The following ATXN10 variants were observed in gnomAD, a reference collection of about 807,000 sequenced individuals.
ATXN10 encodes the protein ataxin-10.
Under a neutral mutation model 52.9 loss-of-function variants are expected in ATXN10, and 28 were observed. The ratio of observed to expected loss-of-function variants is 0.53; its 90% CI spans 0.39 to 0.73. The LOEUF is 0.73. Ranked by LOEUF, ATXN10 falls within the 30% of genes least tolerant of loss-of-function variation. The pLI is 0.00. For missense variants in ATXN10, 565 were observed against 577.0 expected, an observed-to-expected ratio of 0.98 and a Z score of 0.21; for synonymous variants, 226 against 221.5, an observed-to-expected ratio of 1.02 and a Z score of -0.18.
chr22:45,796,680 G>T (rs184348191), intron 9 of ATXN10, among the ~76,000 whole-genome samples: 24 of 152,254 alleles, frequency 1.6e-4, no homozygotes, highest in Non-Finnish European at 4.4e-5. Flanking sequence ...TGGTTCCCCC[G>T]ATAGATGGGG....
intron 9 of ATXN10, among the ~76,000 whole-genome samples, chr22:45,741,980 AG>A (rs982524168): frequency 4.6e-5 from 7 of 152,146 alleles, no homozygotes; most frequent in Non-Finnish European, 8.8e-5. Context: ...TTGGAAAGTG[AG>A]GGGGGAATTG....
chr22:45,672,018 C>A lies in ATXN10; in HGVS notation c.-46C>A, dbSNP rs1433686564. 1 of 1,526,704 alleles carries A rather than the reference C, an allele frequency of 6.6e-7. No individual in the cohort carries two copies. The highest frequency in any genetic ancestry group is 1.4e-5 in the African/African-American group (1 of 72,506). The allele number at this position is 1,526,704 out of a possible 1,614,324, so 94.6% of individuals were successfully genotyped here. A position where few individuals can be genotyped will look rare whatever the true frequency, so the allele number is the denominator to read the frequency against. On this transcript the variant is annotated 5_prime_UTR_variant, in exon 1 of 12. Transcript: ENST00000252934. ...CGTCATCCTCCCCCTTCGTCCTCCTCGCCTTCCTCCTCCTCGTCAGGCTCG... is the reference window on the plus strand; with the variant it reads ...CGTCATCCTCCCCCTTCGTCCTCCTAGCCTTCCTCCTCCTCGTCAGGCTCG...
intron 9 of ATXN10, chr22:45,740,750 GTGTGTA>G (rs1303275912): frequency 4.4e-5 from 15 of 339,712 alleles, no homozygotes; most frequent in Non-Finnish European, 3.1e-5. Context: ...GTGTGTGTGT[GTGTGTA>G]TATATATATA....
At position 45,712,418 on chromosome 22, in the gene ATXN10, G is replaced by C. The variant is rs151190168; in HGVS notation, c.648-5995G>C. ...AGTTTAATTTCTTTGATTTTTGTTGGAGTTGAATTCTGATACATTATTACT... is the reference window on the plus strand; with the variant it reads ...AGTTTAATTTCTTTGATTTTTGTTGCAGTTGAATTCTGATACATTATTACT... On this transcript the variant is annotated intron_variant, in intron 5 of 11. Coordinates refer to ENST00000252934, the MANE Select transcript of ATXN10 (RefSeq NM_013236.4). This position sits in a 1 kb window ranked among gnomAD's most constrained non-coding sequence, Gnocchi z 4.6. Among the ~76,000 whole-genome samples, 23 of 152,152 alleles carry C rather than the reference G, an allele frequency of 1.5e-4. No homozygotes were observed. The highest frequency in any genetic ancestry group is 3.1e-4 in the Non-Finnish European group (21 of 68,030).
Position 45,671,928 on chromosome 22 carries a change from C to T in ATXN10, c.-136C>T. ...AGGGCAGCGCGGGCTGCAGCGGCGG[C>T]GGCGGTTAGGGCTGTGTAGGGCGAG... is the stretch of plus-strand genomic sequence containing the variant. On this transcript the variant is annotated 5_prime_UTR_variant, in exon 1 of 12. Transcript: ENST00000252934. The T allele has an allele frequency of 1.0e-6, 1 of 959,554 alleles. No individual in the cohort carries two copies. The highest frequency in any genetic ancestry group is 1.5e-6 in the Non-Finnish European group (1 of 667,870). The allele number at this position is 959,554 out of a possible 1,614,324, so 59.4% of individuals were successfully genotyped here. A position where few individuals can be genotyped will look rare whatever the true frequency, so the allele number is the denominator to read the frequency against.
intron 10 of ATXN10, among the ~76,000 whole-genome samples, chr22:45,821,849 G>A (rs1601668217): frequency 6.6e-6 from 1 of 152,162 alleles, no homozygotes; most frequent in Non-Finnish European, 1.5e-5. Context: ...ATACTGAAAA[G>A]TGAAGCCAAT....
At position 45,718,409 on chromosome 22, in the gene ATXN10, C is replaced by G. The variant is rs200743671; in HGVS notation, c.648-4C>G. The stretch of plus-strand genomic sequence containing the variant: ...ACCAAACTTTCCTCCTCTTTTTTCC[C>G]TAGGTTCTTGATTATTACAGACCTC... On this transcript the variant is annotated splice_polypyrimidine_tract_variant and splice_region_variant and intron_variant, in intron 5 of 11. Transcript: ENST00000252934. This position sits in a 1 kb window ranked among gnomAD's most constrained non-coding sequence, Gnocchi z 4.4. 4 of 1,611,644 alleles carry G rather than the reference C, an allele frequency of 2.5e-6. No homozygotes were observed. In the East Asian group the frequency reaches 8.9e-5, roughly 36 times the overall value.
intron 9 of ATXN10, among the ~76,000 whole-genome samples, chr22:45,764,242 A>AC (rs1333389182): frequency 7.2e-5 from 6 of 82,966 alleles, no homozygotes; most frequent in Middle Eastern, 5.3e-3. Flanking sequence ...CCCAGCCCCC[A>AC]CCCCCACTCC....
At chr22:45,725,650 CTTTG>C (rs368937463) in intron 6 of ATXN10, among the ~76,000 whole-genome samples, 77 of 152,116 alleles carry the variant, frequency 5.1e-4, no homozygotes, top group African/African-American at 1.8e-3. Flanking sequence ...TTTGGATGCC[CTTTG>C]TTTATTTCTC....
At chr22:45,673,907 C>G (rs1434648000) in intron 1 of ATXN10, 1 of 152,132 alleles carries the variant, frequency 6.6e-6, no homozygotes. Flanking sequence ...GACATTTAGT[C>G]AGACATCAGT....
chr22:45,700,974 ACTT>A (rs1184204886), intron 4 of ATXN10, among the ~76,000 whole-genome samples: 1 of 152,150 alleles, frequency 6.6e-6, no homozygotes, highest in African/African-American at 2.4e-5. Context: ...TGGTGATTCT[ACTT>A]CTTAAAAACC....
chr22:45,715,051 G>T lies in ATXN10; in HGVS notation c.648-3362G>T, dbSNP rs544012324. On this transcript the variant is annotated intron_variant, in intron 5 of 11. Transcript: ENST00000252934. The surrounding 1 kb of genome is among the most constrained non-coding windows in gnomAD (Gnocchi z 4.4). ...ACTTCAACTTTTGCTTCCTAACCACGCATTCCAGCATGCAGAACTCAGTCC... is the reference window on the plus strand; with the variant it reads ...ACTTCAACTTTTGCTTCCTAACCACTCATTCCAGCATGCAGAACTCAGTCC... Among the ~76,000 whole-genome samples, 2 of 152,030 alleles carry T rather than the reference G, an allele frequency of 1.3e-5. No individual in the cohort carries two copies. Among genetic ancestry groups the T allele is most frequent in the Non-Finnish European group, 2.9e-5 (2 of 68,030 alleles).
At chr22:45,810,322 G>A (rs543032286) in intron 10 of ATXN10, among the ~76,000 whole-genome samples, 10 of 152,298 alleles carry the variant, frequency 6.6e-5, no homozygotes, top group Non-Finnish European at 1.5e-4. Flanking sequence ...TTTCCAATAT[G>A]TCTTGATAAA....
intron 5 of ATXN10, among the ~76,000 whole-genome samples, chr22:45,709,188 C>T (rs916609213): frequency 2.0e-5 from 3 of 152,178 alleles, no homozygotes; most frequent in African/African-American, 7.2e-5. Flanking sequence ...TGTTCGCGCA[C>T]AACAGCCATG....
rs1927480868 is a variant in ATXN10, at chr22:45,790,779, G to A, written c.1174-16180G>A. Among the ~76,000 whole-genome samples, 1 of 152,188 alleles carries A rather than the reference G, an allele frequency of 6.6e-6. No individual in the cohort carries two copies. Among genetic ancestry groups the A allele is most frequent in the East Asian group, 1.9e-4 (1 of 5,202 alleles). On this transcript the variant is annotated intron_variant, in intron 9 of 11. Transcript: ENST00000252934. The surrounding 1 kb of genome is among the most constrained non-coding windows in gnomAD (Gnocchi z 4.7). ...CACTGTAAGTGTGTTAGAACACAGT[G>A]CGTTTTCATTCCTCTTTATATCTTT...
Position 45,767,498 on chromosome 22 carries a change from ATAAAC to A in ATXN10, c.1173+26965_1173+26969del, listed in dbSNP as rs539930800. Among the ~76,000 whole-genome samples, 452 of 152,198 alleles carry A rather than the reference ATAAAC, an allele frequency of 3.0e-3. 1 individual carries two copies. Among genetic ancestry groups the A allele is most frequent in the African/African-American group, 0.01 (432 of 41,546 alleles). On this transcript the variant is annotated intron_variant, in intron 9 of 11. Transcript: ENST00000252934. Reference sequence around the variant, plus strand: ...AATTTAAAAAAGAAACCATGGAAGAATAAACTAAAAACTCATTTTAAACATGGTTA... The same window carrying A: ...AATTTAAAAAAGAAACCATGGAAGAATAAAAACTCATTTTAAACATGGTTA...
At chr22:45,723,141 T>TTATA (rs370423058) in intron 6 of ATXN10, among the ~76,000 whole-genome samples, 1 of 151,132 alleles carries the variant, frequency 6.6e-6, no homozygotes, top group African/African-American at 2.4e-5. Context: ...GTGTGTGTGT[T>TTATA]TATATATATA....
In ATXN10 at chr22:45,708,338, C is replaced by T. The variant is rs906794481; in HGVS notation, c.647+5491C>T. Reference sequence around the variant, plus strand: ...AGTAGAGGAAGAGGTAGGACTGCCTCGTGCTGATCCTGTGATGTGTTGGTT... The same window carrying T: ...AGTAGAGGAAGAGGTAGGACTGCCTTGTGCTGATCCTGTGATGTGTTGGTT... On this transcript the variant is annotated intron_variant, in intron 5 of 11. Transcript: ENST00000252934. This position sits in a 1 kb window ranked among gnomAD's most constrained non-coding sequence, Gnocchi z 5.3. Among the ~76,000 whole-genome samples the T allele has an allele frequency of 6.6e-6, 1 of 152,172 alleles. No homozygotes were observed. Among genetic ancestry groups the T allele is most frequent in the South Asian group, 2.1e-4 (1 of 4,828 alleles).
intron 9 of ATXN10, among the ~76,000 whole-genome samples, chr22:45,758,100 G>T (rs974462233): frequency 3.3e-5 from 5 of 152,222 alleles, no homozygotes; most frequent in Non-Finnish European, 7.3e-5. Context: ...GGGACACCTG[G>T]TGCTGCCTCC....
Sources: allele counts gnomAD v4.1 joint callset (sites outside exome capture counted in the v4.1 genomes callset), GRCh38; gene constraint gnomAD v4.1.1; non-coding constraint Gnocchi (gnomAD v3.1); transcripts MANE v1.5; gene names NCBI Gene and HGNC (gene_info 2026-07-23, HGNC 2026-07-21).